Variants in FHIT observed in about 807,000 individuals in gnomAD.
FHIT encodes the protein bis(5'-adenosyl)-triphosphatase.
Under a neutral mutation model 17.9 loss-of-function variants are expected in FHIT, and 19 were observed. That is an observed-to-expected ratio of 1.06 (90% CI 0.74 to 1.56). The LOEUF (loss-of-function observed/expected upper bound fraction) is 1.56, where lower values mean the gene tolerates loss of function less well. Ranked by LOEUF, FHIT falls within the 40% of genes most tolerant of loss-of-function variation. The pLI is 0.00. For synonymous variants in FHIT, 81 were observed against 69.7 expected, an observed-to-expected ratio of 1.16 and a Z score of -0.81; for missense variants, 248 against 189.2, an observed-to-expected ratio of 1.31 and a Z score of -1.82.
At chr3:60,338,155 G>A (rs1710334039) in intron 5 of FHIT, among the ~76,000 whole-genome samples, 1 of 152,062 alleles carries the variant, frequency 6.6e-6, no homozygotes, top group Non-Finnish European at 1.5e-5. Context: ...CATATATTCT[G>A]CATCACTAAG....
intron 4 of FHIT, among the ~76,000 whole-genome samples, chr3:60,604,653 C>T (rs1488528944): frequency 1.3e-5 from 2 of 152,136 alleles, no homozygotes; most frequent in African/African-American, 4.8e-5. Context: ...ATCAGCTCCC[C>T]TTCTATGCAG....
chr3:60,614,817 T>TG (rs141079290), intron 4 of FHIT, among the ~76,000 whole-genome samples: 17,052 of 82,084 alleles, frequency 0.21, 2,556 homozygotes, highest in East Asian at 0.56. Context: ...TTGTTTTTTT[T>TG]TTGTTTTTTT....
intron 5 of FHIT, among the ~76,000 whole-genome samples, chr3:60,202,164 A>C (rs1702944372): frequency 6.6e-6 from 1 of 152,236 alleles, no homozygotes; most frequent in Non-Finnish European, 1.5e-5. Context: ...AATTTTAGTC[A>C]AGACTTCGTC....
intron 4 of FHIT, among the ~76,000 whole-genome samples, chr3:60,779,662 G>A (rs1427626056): frequency 1.3e-5 from 2 of 152,072 alleles, no homozygotes; most frequent in Non-Finnish European, 2.9e-5. Context: ...ATGATAAGGA[G>A]GCCATGCAAT....
intron 3 of FHIT, among the ~76,000 whole-genome samples, chr3:60,983,343 G>C (rs530579994): frequency 2.0e-5 from 3 of 152,262 alleles, no homozygotes; most frequent in Non-Finnish European, 4.4e-5. Context: ...GTATATTTCT[G>C]AGCTGGCTGC....
chr3:60,244,142 G>A (rs1474984803), intron 5 of FHIT, among the ~76,000 whole-genome samples: 1 of 152,008 alleles, frequency 6.6e-6, no homozygotes, highest in African/African-American at 2.4e-5. Flanking sequence ...GGCAGTTTAG[G>A]TGTAGTGATA....
At chr3:60,275,241 A>C (rs1414440853) in intron 5 of FHIT, among the ~76,000 whole-genome samples, 2 of 151,970 alleles carry the variant, frequency 1.3e-5, no homozygotes, top group South Asian at 2.1e-4. Flanking sequence ...AAAAAAAAAA[A>C]AAAACTATGA....
chr3:60,275,395 A>G (rs766414406), intron 5 of FHIT, among the ~76,000 whole-genome samples: 5 of 152,202 alleles, frequency 3.3e-5, no homozygotes, highest in Non-Finnish European at 5.9e-5. Flanking sequence ...CCTGCCTTAA[A>G]GTAATGCAGA....
chr3:60,067,339 TGAA>T (rs1702560412), intron 5 of FHIT, among the ~76,000 whole-genome samples: 1 of 151,958 alleles, frequency 6.6e-6, no homozygotes, highest in African/African-American at 2.4e-5. Flanking sequence ...AATGAATGAA[TGAA>T]TGAATGAATG....
At chr3:61,243,014 A>C (rs2040408360) in intron 1 of FHIT, among the ~76,000 whole-genome samples, 1 of 152,142 alleles carries the variant, frequency 6.6e-6, no homozygotes, top group South Asian at 2.1e-4. Context: ...TGTTAGTCCT[A>C]GGGGGTTTGG....
At chr3:61,213,893 C>T (rs1400292540) in intron 1 of FHIT, among the ~76,000 whole-genome samples, 4 of 152,146 alleles carry the variant, frequency 2.6e-5, no homozygotes, top group Non-Finnish European at 5.9e-5. Flanking sequence ...GAACAACCTG[C>T]TCCTGAATGA....
chr3:60,065,772 T>C (rs1420251576), intron 5 of FHIT, among the ~76,000 whole-genome samples: 1 of 152,142 alleles, frequency 6.6e-6, no homozygotes, highest in African/African-American at 2.4e-5. Flanking sequence ...CCTGTTCCCA[T>C]CCCATGGCCA....
At chr3:60,769,865 C>T (rs1699983314) in intron 4 of FHIT, among the ~76,000 whole-genome samples, 4 of 152,162 alleles carry the variant, frequency 2.6e-5, no homozygotes, top group Admixed American at 2.0e-4. Flanking sequence ...GAAGTATGGC[C>T]TTTTCAGGCC....
intron 4 of FHIT, among the ~76,000 whole-genome samples, chr3:60,784,588 G>A (rs1015337581): frequency 2.0e-5 from 3 of 152,062 alleles, no homozygotes; most frequent in East Asian, 1.9e-4. Context: ...TGTCTGCTTC[G>A]GCCTCCCAAA....
intron 2 of FHIT, among the ~76,000 whole-genome samples, chr3:61,199,299 C>T (rs1303529316): frequency 6.6e-6 from 1 of 152,210 alleles, no homozygotes; most frequent in East Asian, 1.9e-4. Flanking sequence ...AAGATGGCTA[C>T]ATCACCACCA....
At chr3:60,323,752 T>A (rs1709539972) in intron 5 of FHIT, among the ~76,000 whole-genome samples, 1 of 152,174 alleles carries the variant, frequency 6.6e-6, no homozygotes. Context: ...AAAACCAGTA[T>A]CACTTGCCAC....
At chr3:60,961,178 G>A (rs1338929564) in intron 3 of FHIT, among the ~76,000 whole-genome samples, 1 of 152,136 alleles carries the variant, frequency 6.6e-6, no homozygotes, top group Non-Finnish European at 1.5e-5. Context: ...TTTCTCTGAC[G>A]GCCAGTGATG....
intron 1 of FHIT, among the ~76,000 whole-genome samples, chr3:61,207,687 T>C (rs193198423): frequency 6.3e-4 from 96 of 152,204 alleles, no homozygotes; most frequent in Non-Finnish European, 1.1e-3. Flanking sequence ...ATTTTTATTG[T>C]GTCTATTTGA....
intron 5 of FHIT, among the ~76,000 whole-genome samples, chr3:60,352,937 G>T (rs1366312771): frequency 6.6e-6 from 1 of 152,152 alleles, no homozygotes; most frequent in Non-Finnish European, 1.5e-5. Flanking sequence ...GGGGGATTCA[G>T]TCCTACATTT....
Sources: gnomAD v4.1 joint callset for allele counts (sites outside exome capture counted in the v4.1 genomes callset) on GRCh38, gnomAD v4.1.1 for gene constraint, MANE v1.5 for transcripts, NCBI Gene and HGNC (gene_info 2026-07-23, HGNC 2026-07-21) for gene names.